Variants in FBXO39 observed in about 807,000 individuals in gnomAD.
The protein encoded by FBXO39 is F-box only protein 39.
FBXO39 carries 22 observed loss-of-function variants against 36.6 expected under a neutral mutation model. The ratio of observed to expected loss-of-function variants is 0.60; its 90% confidence interval spans 0.43 to 0.86. FBXO39 has a LOEUF of 0.86. Among genes scored for constraint, FBXO39 ranks in the 40% least tolerant of loss-of-function variants. The pLI is 0.00. For missense variants in FBXO39, 536 were observed against 543.9 expected (o/e 0.99, Z 0.14); for synonymous variants, 206 against 205.8 (o/e 1.00, Z -0.01).
chr17:6,780,239 A>G lies in FBXO39; in HGVS notation c.371A>G (p.Asn124Ser), dbSNP rs1976488603. ...GLLSCLSKSN[N>S]RLKSLSIQYL... ...CTGTCTTGTCTGAGTAAGAGCAACA[A>G]CCGTCTGAAATCTCTTTCCATCCAA... Residue 124 changes from asparagine to serine, a missense_variant, in exon 2 of 4, where the codon AAC becomes AGC. By Grantham distance (46) the Asn-to-Ser change is conservative. Coordinates refer to ENST00000321535, the MANE Select transcript of FBXO39 (RefSeq NM_153230.3). 6.2e-7 allele frequency: 1 copy of G among 1,614,058 alleles called. No individual in the cohort carries two copies. Among genetic ancestry groups the G allele is most frequent in the East Asian group, 2.2e-5 (1 of 44,888 alleles).
chr17:6,782,656 C>CA, intron 2 of FBXO39, among the ~76,000 whole-genome samples: 1 of 151,982 alleles, frequency 6.6e-6, no homozygotes, highest in Admixed American at 6.6e-5. Flanking sequence ...GATTTCAAGA[C>CA]AAAATCTATA....
At chr17:6,777,400 GT>G (rs112655965) in intron 1 of FBXO39, among the ~76,000 whole-genome samples, 67 of 152,224 alleles carry the variant, frequency 4.4e-4, no homozygotes, top group African/African-American at 1.6e-3. Flanking sequence ...GAGAATGATG[GT>G]TTCCAGCTTC....
intron 2 of FBXO39, among the ~76,000 whole-genome samples, chr17:6,783,805 C>A (rs995796216): frequency 6.6e-6 from 1 of 152,044 alleles, no homozygotes; most frequent in Non-Finnish European, 1.5e-5. Context: ...GGCTGTACTG[C>A]TGAATTTTAT....
Position 6,777,904 on chromosome 17 carries a change from C to T in FBXO39, c.-81+1632C>T, listed in dbSNP as rs532538766. On this transcript the variant is annotated intron_variant, in intron 1 of 3. Coordinates refer to ENST00000321535, the MANE Select transcript of FBXO39 (RefSeq NM_153230.3). ...TTTACGGAAGTCTGTTCGGATGTGG[C>T]GGTGGGAAGGCCAGCTGGAGACAGG... Among the ~76,000 whole-genome samples the T allele has an allele frequency of 6.6e-4, 100 of 152,200 alleles. 1 individual carries two copies. Among genetic ancestry groups the T allele is most frequent in the African/African-American group, 2.4e-3 (99 of 41,512 alleles).
chr17:6,780,693 G>A lies in FBXO39; in HGVS notation c.825G>A (p.Lys275=). The A allele has an allele frequency of 6.2e-7, 1 of 1,614,112 alleles. No homozygotes were observed. The highest frequency in any genetic ancestry group is 8.5e-7 in the Non-Finnish European group (1 of 1,180,018). ...TCATCTGGGGTATGTCCTGGGCCAA[G>A]CTGGCCAGGCAGGCCACCAATCTGA... ...GQVIWGMSWA[K]LARQATNLKV... Residue 275 remains lysine (K), a synonymous_variant, in exon 2 of 4, where the codon AAG becomes AAA. Transcript: ENST00000321535.
At chr17:6,782,874 A>C (rs1976526167) in intron 2 of FBXO39, among the ~76,000 whole-genome samples, 1 of 152,056 alleles carries the variant, frequency 6.6e-6, no homozygotes, top group South Asian at 2.1e-4. Flanking sequence ...TCAAGACACA[A>C]AATCAACAAA....
At chr17:6,781,358 C>A (rs375733631) in intron 2 of FBXO39, among the ~76,000 whole-genome samples, 37 of 152,136 alleles carry the variant, frequency 2.4e-4, no homozygotes, top group South Asian at 6.2e-4. Context: ...CCAGGCCAGA[C>A]AAAAAGTCAA....
chr17:6,786,602 C>A (rs1976574693), intron 2 of FBXO39, among the ~76,000 whole-genome samples, 178 bp from the exon 3 acceptor site: 1 of 152,098 alleles, frequency 6.6e-6, no homozygotes, highest in African/African-American at 2.4e-5. Context: ...ATCAAAATAT[C>A]CCATATACCC....
chr17:6,779,819 T>C lies in FBXO39; in HGVS notation c.-50T>C, dbSNP rs1477656778. 6.4e-7 allele frequency: 1 copy of C among 1,554,930 alleles called. No homozygotes were observed. Among genetic ancestry groups the C allele is most frequent in the East Asian group, 2.3e-5 (1 of 44,218 alleles). On this transcript the variant is annotated 5_prime_UTR_variant, in exon 2 of 4. Coordinates refer to ENST00000321535, the MANE Select transcript of FBXO39 (RefSeq NM_153230.3). ...AAGTGATTGCTTTCCTTTCCTCATT[T>C]TTGGAAGCCCTGCCTAACACACAGC...
chr17:6,778,693 TGAG>T (rs1348566623), intron 1 of FBXO39, among the ~76,000 whole-genome samples: 1 of 152,080 alleles, frequency 6.6e-6, no homozygotes, highest in Non-Finnish European at 1.5e-5. Context: ...GCAAACAACA[TGAG>T]GAGAGTTTTT....
intron 2 of FBXO39, among the ~76,000 whole-genome samples, chr17:6,786,306 C>T (rs1976569156): frequency 6.6e-6 from 1 of 152,110 alleles, no homozygotes; most frequent in Admixed American, 6.6e-5. Flanking sequence ...AACAATTCAA[C>T]TCATGGAGAT....
At chr17:6,779,668 A>G in intron 1 of FBXO39, 121 bp from the exon 2 acceptor site, 3 of 597,862 alleles carry the variant, frequency 5.0e-6, no homozygotes, top group Non-Finnish European at 8.9e-6. Flanking sequence ...TCATGAATGT[A>G]TCATTGAACC....
chr17:6,779,402 CCACT>C (rs1976474877), intron 1 of FBXO39, among the ~76,000 whole-genome samples: 1 of 152,220 alleles, frequency 6.6e-6, no homozygotes, highest in African/African-American at 2.4e-5. Flanking sequence ...AGCTCCTCAT[CCACT>C]ACCACTAGGC....
intron 2 of FBXO39, among the ~76,000 whole-genome samples, chr17:6,781,106 A>G (rs1482319992): frequency 1.3e-5 from 2 of 152,246 alleles, no homozygotes; most frequent in Admixed American, 1.3e-4. Context: ...GTACAGACAC[A>G]AGGAATTATC....
chr17:6,780,582 C>A lies in FBXO39; in HGVS notation c.714C>A (p.Asp238Glu). The change falls in exon 2 of 4, where the codon GAC becomes GAA. Residue 238 changes from aspartate to glutamate, a missense_variant. By Grantham distance (45) the Asp-to-Glu change is conservative (BLOSUM62 2). Coordinates refer to ENST00000321535, the MANE Select transcript of FBXO39 (RefSeq NM_153230.3). ...SLNLNYNCISDELLENLCENA... is the reference protein window; with the variant it reads ...SLNLNYNCISEELLENLCENA... ...ACCTCAACTACAACTGTATCTCCGA[C>A]GAGCTGCTTGAGAACTTGTGTGAGA... 6.2e-7 allele frequency: 1 copy of A among 1,613,996 alleles called. No homozygotes were observed. The highest frequency in any genetic ancestry group is 1.1e-5 in the South Asian group (1 of 91,062).
chr17:6,784,453 A>C (rs1024590432), intron 2 of FBXO39, among the ~76,000 whole-genome samples: 23 of 152,068 alleles, frequency 1.5e-4, no homozygotes, highest in Non-Finnish European at 1.5e-5. Flanking sequence ...CAAATAGAAA[A>C]TGAAGTCAAA....
In FBXO39 at chr17:6,779,945, G is replaced by T. The variant is rs150934591; in HGVS notation, c.77G>T (p.Arg26Leu). Residue 26 changes from arginine to leucine, a missense_variant, in exon 2 of 4, where the codon CGT (arginine) becomes CTT (leucine). Physicochemically the swap from Arg to Leu is moderately radical, Grantham distance 102. Coordinates refer to ENST00000321535, the MANE Select transcript of FBXO39 (RefSeq NM_153230.3). Reference sequence around the variant, plus strand: ...TTTCTGCCCGATTTGTGTCTGTGCCGTGTTTTCTGGTGGCTAGGAGACAGG... The same window carrying T: ...TTTCTGCCCGATTTGTGTCTGTGCCTTGTTTTCTGGTGGCTAGGAGACAGG... ...WAFLPDLCLC[R>L]VFWWLGDRDR... The T allele has an allele frequency of 6.2e-7, 1 of 1,614,218 alleles. No individual in the cohort carries two copies. Among genetic ancestry groups the T allele is most frequent in the Non-Finnish European group, 8.5e-7 (1 of 1,180,052 alleles).
intron 1 of FBXO39, among the ~76,000 whole-genome samples, chr17:6,777,597 GC>G (rs1478478742): frequency 2.0e-5 from 3 of 152,196 alleles, no homozygotes; most frequent in Admixed American, 6.5e-5. Flanking sequence ...TAGGAGCTTT[GC>G]TTGGTGGTGA....
intron 2 of FBXO39, among the ~76,000 whole-genome samples, chr17:6,782,353 G>A (rs1012536763): frequency 2.6e-5 from 4 of 152,042 alleles, no homozygotes; most frequent in Non-Finnish European, 5.9e-5. Flanking sequence ...ACACAGGAAG[G>A]AAGAAAAGAA....
Sources: gnomAD v4.1 joint callset for allele counts (sites outside exome capture counted in the v4.1 genomes callset) on GRCh38, gnomAD v4.1.1 for gene constraint, MANE v1.5 for transcripts, NCBI Gene and HGNC (gene_info 2026-07-23, HGNC 2026-07-21) for gene names.